Variants in PRMT8 observed in about 807,000 individuals in gnomAD.
PRMT8 encodes the protein protein arginine N-methyltransferase 8.
Under a neutral mutation model 47.1 loss-of-function variants are expected in PRMT8, and 7 were observed. The observed-to-expected ratio is 0.15, with a 90% CI of 0.08 to 0.28. The LOEUF (loss-of-function observed/expected upper bound fraction) is 0.28, where lower values mean the gene tolerates loss of function less well. Among genes scored for constraint, PRMT8 ranks in the 10% least tolerant of loss-of-function variants. The pLI is 1.00. For missense variants in PRMT8, 237 were observed against 505.4 expected (o/e 0.47, Z 5.09); for synonymous variants, 188 against 186.5 (o/e 1.01, Z -0.07).
In PRMT8 at chr12:3,521,787, A is replaced by G. The variant is rs981962634; in HGVS notation, c.76-18819A>G. Reference sequence around the variant, plus strand: ...TAGGGAGACTAAAGTATCTGCTGGTAATGGTAGGCCACCTCTTCAGCTGGA... The same window carrying G: ...TAGGGAGACTAAAGTATCTGCTGGTGATGGTAGGCCACCTCTTCAGCTGGA... On this transcript the variant is annotated intron_variant, in intron 1 of 9. Transcript: ENST00000382622. Among the ~76,000 whole-genome samples the G allele has an allele frequency of 4.6e-5, 7 of 152,324 alleles. No individual in the cohort carries two copies. The South Asian group carries it at 8.3e-4, about 18-fold the overall frequency.
intron 1 of PRMT8, among the ~76,000 whole-genome samples, chr12:3,504,522 G>A (rs1166777222): frequency 8.7e-6 from 1 of 114,756 alleles, no homozygotes; most frequent in African/African-American, 2.7e-5. Context: ...TCGGGGGTCA[G>A]GGGTCAGGGA....
At chr12:3,491,111 C>T, upstream of PRMT8, 1 of 974,872 alleles carries the variant, frequency 1.0e-6, no homozygotes, top group Non-Finnish European at 1.2e-6. Flanking sequence ...GGCCCTCGGT[C>T]TGCGCCCAGC....
chr12:3,414,273 A>C (rs969016593), intron 1 of PRMT8, among the ~76,000 whole-genome samples: 1 of 152,102 alleles, frequency 6.6e-6, no homozygotes, highest in South Asian at 2.1e-4. Flanking sequence ...TTCCTGCTGC[A>C]CTCCCCAAAA....
At chr12:3,429,868 G>T (rs1384645898) in intron 1 of PRMT8, among the ~76,000 whole-genome samples, 1 of 152,252 alleles carries the variant, frequency 6.6e-6, no homozygotes, top group Non-Finnish European at 1.5e-5. Context: ...ACTCAGGCTG[G>T]TCAGAGTCCC....
intron 1 of PRMT8, among the ~76,000 whole-genome samples, chr12:3,512,236 G>C (rs1436362040): frequency 1.3e-5 from 2 of 152,074 alleles, no homozygotes; most frequent in Non-Finnish European, 2.9e-5. Context: ...GCTTTCTCCT[G>C]CGTCTCCCAC....
intron 1 of PRMT8, among the ~76,000 whole-genome samples, chr12:3,482,808 C>T (rs1263734110): frequency 3.3e-5 from 5 of 152,146 alleles, no homozygotes; most frequent in Non-Finnish European, 5.9e-5. Context: ...CACAATGAGC[C>T]TGGTTTTGGG....
chr12:3,396,047 T>C (rs1171554011), intron 1 of PRMT8, among the ~76,000 whole-genome samples: 1 of 152,154 alleles, frequency 6.6e-6, no homozygotes, highest in Non-Finnish European at 1.5e-5. Context: ...CTGCCTTTTT[T>C]CGTTTTCCAT....
intron 1 of PRMT8, among the ~76,000 whole-genome samples, chr12:3,390,799 C>T (rs1453932015): frequency 6.6e-6 from 1 of 152,146 alleles, no homozygotes; most frequent in Non-Finnish European, 1.5e-5. Context: ...TTTTGCTGTT[C>T]GTTAGATTAT....
chr12:3,544,045 G>T (rs1866282525), intron 2 of PRMT8, among the ~76,000 whole-genome samples: 2 of 152,174 alleles, frequency 1.3e-5, no homozygotes, highest in Non-Finnish European at 2.9e-5. Flanking sequence ...CACTCTCGCT[G>T]CAGGTTCTGT....
intron 1 of PRMT8, among the ~76,000 whole-genome samples, chr12:3,402,596 G>C (rs553149206): frequency 3.9e-5 from 6 of 152,222 alleles, no homozygotes; most frequent in African/African-American, 1.4e-4. Context: ...AATATCCATA[G>C]TCTATAAGGA....
chr12:3,552,885 G>A lies in PRMT8; in HGVS notation c.418-766G>A, dbSNP rs755078701. The A allele has an allele frequency of 7.1e-4, 295 of 413,542 alleles. No individual in the cohort carries two copies. Among genetic ancestry groups the A allele is most frequent in the Non-Finnish European group, 1.2e-3 (238 of 203,978 alleles). The allele number at this position is 413,542 out of a possible 1,614,324, so 25.6% of individuals were successfully genotyped here. A position where few individuals can be genotyped will look rare whatever the true frequency, so the allele number is the denominator to read the frequency against. ...CAGGCCAGCCTCTGTAAGAGAGCCG[G>A]CTCCGGAGGTGAGGACGGCTCTTGG... is the stretch of plus-strand genomic sequence containing the variant. On this transcript the variant is annotated intron_variant, in intron 3 of 9. Coordinates refer to ENST00000382622, the MANE Select transcript of PRMT8 (RefSeq NM_019854.5). The surrounding 1 kb of genome is among the most constrained non-coding windows in gnomAD (Gnocchi z 4.5).
upstream of PRMT8, among the ~76,000 whole-genome samples, chr12:3,488,302 T>C (rs1865341183): frequency 6.6e-6 from 1 of 152,196 alleles, no homozygotes; most frequent in Non-Finnish European, 1.5e-5. Flanking sequence ...GTTGACATAA[T>C]ATTTGTGCAC....
Position 3,518,483 on chromosome 12 carries a change from T to G in PRMT8, c.76-22123T>G, listed in dbSNP as rs144890916. ...AAATCAATTTTTAAAACCCAATTTT[T>G]GTACCTGGGCTAAGGTAATGTCAAT... On this transcript the variant is annotated intron_variant, in intron 1 of 9. Transcript: ENST00000382622. Among the ~76,000 whole-genome samples, 854 of 152,240 alleles carry G rather than the reference T, an allele frequency of 5.6e-3. 27 individuals are homozygous for G. Among genetic ancestry groups the G allele is most frequent in the Admixed American group, 0.051 (780 of 15,278 alleles).
In PRMT8 at chr12:3,569,563, C is replaced by T. The variant is rs777793500; in HGVS notation, c.711C>T (p.His237=). 5 of 1,613,528 alleles carry T rather than the reference C, an allele frequency of 3.1e-6. No homozygotes were observed. The highest frequency in any genetic ancestry group is 2.2e-5 in the South Asian group (2 of 91,056). The change falls in exon 6 of 10, where the codon CAC becomes CAT. Residue 237 remains histidine, a splice_region_variant and synonymous_variant. Coordinates refer to ENST00000382622, the MANE Select transcript of PRMT8 (RefSeq NM_019854.5). The surrounding 1 kb of genome is among the most constrained non-coding windows in gnomAD (Gnocchi z 8.2). ...GACAGTACAAGGACTTCAAAATCCA[C>T]TGTAAGTCCCCTCTTGCTTCTCCGG... The part of the protein sequence containing the change: ...EDRQYKDFKI[H]WWENVYGFDM...
At chr12:3,402,761 C>T (rs1864330900) in intron 1 of PRMT8, among the ~76,000 whole-genome samples, 1 of 152,162 alleles carries the variant, frequency 6.6e-6, no homozygotes, top group Non-Finnish European at 1.5e-5. Context: ...ATCAAAACCA[C>T]AATGAGATAC....
In PRMT8 at chr12:3,568,376, C is replaced by T. The variant is rs538828528; in HGVS notation, c.482-330C>T. 3.0e-5 allele frequency among the ~76,000 whole-genome samples: 4 copies of T among 132,092 alleles called. No homozygotes were observed. The East Asian group carries it at 6.5e-4, about 22-fold the overall frequency. The allele number at this position is 132,092 out of a possible 152,430, so 86.7% of individuals were successfully genotyped here. On this transcript the variant is annotated intron_variant, in intron 4 of 9. Transcript: ENST00000382622. ...AAAAAAAAATCTGCGTGTTCGTGGA[C>T]CTGTGCAGTTCAAAGCCAGGTTGTT...
In PRMT8 at chr12:3,493,976, C is replaced by T. The variant is rs1865465432; in HGVS notation, c.75+2276C>T. Among the ~76,000 whole-genome samples the T allele has an allele frequency of 6.6e-6, 1 of 152,144 alleles. No homozygotes were observed. Among genetic ancestry groups the T allele is most frequent in the Non-Finnish European group, 1.5e-5 (1 of 68,022 alleles). ...GTGCCTAGCGGAGGCATCCAGGCAG[C>T]GTGACAATCACTTGGTTTCCCTCCA... On this transcript the variant is annotated intron_variant, in intron 1 of 9. Coordinates refer to ENST00000382622, the MANE Select transcript of PRMT8 (RefSeq NM_019854.5). The surrounding 1 kb of genome is among the most constrained non-coding windows in gnomAD (Gnocchi z 8.2).
At chr12:3,414,790 G>A (rs1219404862) in intron 1 of PRMT8, among the ~76,000 whole-genome samples, 1 of 152,044 alleles carries the variant, frequency 6.6e-6, no homozygotes, top group African/African-American at 2.4e-5. Flanking sequence ...TCCGAAGTTA[G>A]GTGAGTCTCT....
chr12:3,481,616 C>A (rs1389745534), intron 1 of PRMT8, among the ~76,000 whole-genome samples: 3 of 152,188 alleles, frequency 2.0e-5, no homozygotes, highest in African/African-American at 7.2e-5. Context: ...AACAGCAGGG[C>A]TTCTGAAAGC....
Sources: allele counts gnomAD v4.1 joint callset (sites outside exome capture counted in the v4.1 genomes callset), GRCh38; gene constraint gnomAD v4.1.1; non-coding constraint Gnocchi (gnomAD v3.1); transcripts MANE v1.5; gene names NCBI Gene and HGNC (gene_info 2026-07-23, HGNC 2026-07-21).